Variants in FRMPD1 observed in about 807,000 individuals in gnomAD.
The protein encoded by FRMPD1 is FERM and PDZ domain-containing protein 1.
Under a neutral mutation model 117.8 loss-of-function variants are expected in FRMPD1, and 76 were observed. The ratio of observed to expected loss-of-function variants is 0.65; its 90% CI spans 0.54 to 0.78. The LOEUF (loss-of-function observed/expected upper bound fraction) is 0.78. FRMPD1 is among the 30% of genes least tolerant of loss of function. The pLI is 0.00. For missense variants in FRMPD1, 1,786 were observed against 1,964.5 expected (o/e 0.91, Z 1.72); for synonymous variants, 783 against 770.4 (o/e 1.02, Z -0.27).
intron 4 of FRMPD1, among the ~76,000 whole-genome samples, chr9:37,709,691 T>A (rs957675272): frequency 6.6e-6 from 1 of 152,186 alleles, no homozygotes; most frequent in Non-Finnish European, 1.5e-5. Flanking sequence ...GTGTCTTTAA[T>A]GCTGGGTAAA....
chr9:37,742,767 C>T (rs1194217176), intron 15 of FRMPD1, among the ~76,000 whole-genome samples: 19 of 152,004 alleles, frequency 1.2e-4, no homozygotes, highest in Admixed American at 2.0e-4. Context: ...GGCATGGTGG[C>T]GTGCACCTGT....
intron 1 of FRMPD1, among the ~76,000 whole-genome samples, chr9:37,674,848 A>G (rs1821470975): frequency 6.6e-6 from 1 of 152,190 alleles, no homozygotes; most frequent in Admixed American, 6.5e-5. Flanking sequence ...CCCTCCCAGA[A>G]CATGTGGGAA....
upstream of FRMPD1, among the ~76,000 whole-genome samples, chr9:37,646,411 C>T (rs533641061): frequency 1.3e-5 from 2 of 152,274 alleles, no homozygotes; most frequent in African/African-American, 4.8e-5. Flanking sequence ...ATTCTGGTCC[C>T]ATTCCTCCAT....
chr9:37,637,329 G>A, the FRMPD1 span: 5 of 1,032,010 alleles, frequency 4.8e-6, no homozygotes, highest in Non-Finnish European at 6.1e-6. Context: ...GCTCCCAGTC[G>A]GCTCTGCTCC....
At chr9:37,735,122 A>G (rs1226523138) in intron 12 of FRMPD1, among the ~76,000 whole-genome samples, 1 of 152,250 alleles carries the variant, frequency 6.6e-6, no homozygotes. Context: ...CTAGTAGAGA[A>G]GTAAGAGGAA....
chr9:37,619,833 G>C, the FRMPD1 span, among the ~76,000 whole-genome samples: 6 of 151,652 alleles, frequency 4.0e-5, no homozygotes, highest in African/African-American at 1.5e-4. Context: ...GTATAGTCTT[G>C]GTGGATTAGC....
rs78948706 is a variant in FRMPD1, at chr9:37,717,231, T to C, written c.409-1838T>C. On this transcript the variant is annotated intron_variant, in intron 5 of 15. Transcript: ENST00000377765. ...CTGACTTGTTCTTGGTAACTCCATA[T>C]TGGCTGTTAGTGATCACTGTCTAAA... Among the ~76,000 whole-genome samples the C allele has an allele frequency of 6.9e-3, 1,052 of 152,056 alleles. 9 individuals are homozygous for C. The highest frequency in any genetic ancestry group is 0.024 in the African/African-American group (985 of 41,474).
rs774367994 is a variant in FRMPD1, at chr9:37,729,858, G to C, written c.738+5G>C. 2.5e-6 allele frequency: 4 copies of C among 1,612,754 alleles called. No individual in the cohort carries two copies. Among genetic ancestry groups the C allele is most frequent in the Non-Finnish European group, 3.4e-6 (4 of 1,179,524 alleles). ...GAAGAGGAACTCATCCAGCAGGTAG[G>C]GAGGACTGACCGCCTGTTCCTGGGA... On this transcript the variant is annotated splice_donor_5th_base_variant and intron_variant, in intron 8 of 15. Transcript: ENST00000377765.
At chr9:37,674,608 C>T (rs375095848) in intron 1 of FRMPD1, among the ~76,000 whole-genome samples, 18 of 152,202 alleles carry the variant, frequency 1.2e-4, no homozygotes, top group Middle Eastern at 3.4e-3. Context: ...ACCTGAGACT[C>T]GGAAGAAAAA....
the FRMPD1 span, among the ~76,000 whole-genome samples, chr9:37,630,241 C>G: frequency 6.6e-6 from 1 of 152,164 alleles, no homozygotes; most frequent in Non-Finnish European, 1.5e-5. Flanking sequence ...ACCTTTTTAA[C>G]CTCTGAGATT....
In FRMPD1 at chr9:37,740,874, C is replaced by T. The variant is rs1200454587; in HGVS notation, c.2346C>T (p.Gly782=). The change falls in exon 15 of 16, where the codon GGC becomes GGT. Residue 782 remains glycine (G), a synonymous_variant. Transcript: ENST00000377765. The surrounding 1 kb of genome is among the most constrained non-coding windows in gnomAD (Gnocchi z 4.2). ...YDAADKLTPP[G]PPSGPRDVST... Reference sequence around the variant, plus strand: ...CGGCTGATAAGCTCACTCCCCCAGGCCCCCCGTCAGGTGAGCCGTCCCTTG... The same window carrying T: ...CGGCTGATAAGCTCACTCCCCCAGGTCCCCCGTCAGGTGAGCCGTCCCTTG... 1 of 1,613,220 alleles carries T rather than the reference C, an allele frequency of 6.2e-7. No homozygotes were observed. The highest frequency in any genetic ancestry group is 8.5e-7 in the Non-Finnish European group (1 of 1,179,160).
At chr9:37,713,544 C>T (rs554143737) in intron 5 of FRMPD1, among the ~76,000 whole-genome samples, 5 of 151,772 alleles carry the variant, frequency 3.3e-5, no homozygotes, top group Admixed American at 6.6e-5. Context: ...GAGCTGAGAT[C>T]GCACCACTGC....
chr9:37,606,111 G>A, the FRMPD1 span, among the ~76,000 whole-genome samples: 1 of 152,180 alleles, frequency 6.6e-6, no homozygotes, highest in South Asian at 2.1e-4. Flanking sequence ...AAGGATGTAG[G>A]GGCTAAGGTT....
intron 6 of FRMPD1, among the ~76,000 whole-genome samples, chr9:37,720,943 G>A (rs1468263242): frequency 6.6e-6 from 1 of 152,256 alleles, no homozygotes; most frequent in Non-Finnish European, 1.5e-5. Context: ...GTCATGCACA[G>A]TGATGAGTAG....
chr9:37,724,251 C>G lies in FRMPD1; in HGVS notation c.543C>G (p.Asn181Lys). 6.3e-7 allele frequency: 1 copy of G among 1,597,426 alleles called. No homozygotes were observed. The highest frequency in any genetic ancestry group is 8.6e-7 in the Non-Finnish European group (1 of 1,164,818). Residue 181 changes from asparagine (N) to lysine (K), a missense_variant, in exon 7 of 16, where the codon AAC (asparagine) becomes AAG (lysine). By Grantham distance (94) the Asn-to-Lys change is moderately conservative (BLOSUM62 0). Coordinates refer to ENST00000377765, the MANE Select transcript of FRMPD1 (RefSeq NM_014907.3). ...SQGNSLLCMP[N>K]VLKLYLENGQ... ...GTAATTCTCTGCTGTGTATGCCCAA[C>G]GTGCTCAAGCTATACTTGGAGAATG...
At chr9:37,655,444 G>A (rs1030745234) in intron 1 of FRMPD1, among the ~76,000 whole-genome samples, 2 of 150,812 alleles carry the variant, frequency 1.3e-5, no homozygotes, top group African/African-American at 4.9e-5. Context: ...AGGCATGATG[G>A]GCTACCTCCA....
chr9:37,628,460 AAGG>A, the FRMPD1 span, among the ~76,000 whole-genome samples: 9 of 152,300 alleles, frequency 5.9e-5, no homozygotes, highest in Middle Eastern at 6.8e-3. Flanking sequence ...GAGAAAAAGA[AAGG>A]AGGAGGAGGA....
At chr9:37,717,030 A>G (rs1035903122) in intron 5 of FRMPD1, among the ~76,000 whole-genome samples, 1 of 152,168 alleles carries the variant, frequency 6.6e-6, no homozygotes, top group Non-Finnish European at 1.5e-5. Flanking sequence ...TTGAGTATAT[A>G]TATCAACTAG....
intron 2 of FRMPD1, among the ~76,000 whole-genome samples, chr9:37,703,744 C>T (rs974014143): frequency 6.6e-6 from 1 of 152,148 alleles, no homozygotes; most frequent in African/African-American, 2.4e-5. Flanking sequence ...CTTTCTGTCT[C>T]TATAGATTAG....
Sources: gnomAD v4.1 joint callset for allele counts (sites outside exome capture counted in the v4.1 genomes callset) on GRCh38, gnomAD v4.1.1 for gene constraint, Gnocchi (gnomAD v3.1) non-coding constraint, MANE v1.5 for transcripts, NCBI Gene and HGNC (gene_info 2026-07-23, HGNC 2026-07-21) for gene names.